Variants in WDFY3 observed in about 807,000 individuals in gnomAD.
WDFY3 encodes WD repeat and FYVE domain-containing protein 3.
In WDFY3, 66 loss-of-function variants were observed where a neutral mutation model predicts 409.6. That is an observed-to-expected ratio of 0.16 (90% CI 0.13 to 0.20). The LOEUF is 0.20. Ranked by LOEUF, WDFY3 falls within the 10% of genes least tolerant of loss-of-function variation. The pLI, the probability that WDFY3 is intolerant of heterozygous loss-of-function variation, is 1.00. For missense variants in WDFY3, 3,031 were observed against 4,298.1 expected (o/e 0.71, Z 8.24); for synonymous variants, 1,521 against 1,537.1 (o/e 0.99, Z 0.25).
intron 54 of WDFY3, among the ~76,000 whole-genome samples, chr4:84,705,168 C>T (rs1315349398): frequency 6.6e-6 from 1 of 152,198 alleles, no homozygotes; most frequent in African/African-American, 2.4e-5. Context: ...TAGTTTTCCA[C>T]CAATACTCTG....
At chr4:84,848,642 G>A (rs1443963070) in intron 5 of WDFY3, among the ~76,000 whole-genome samples, 1 of 152,194 alleles carries the variant, frequency 6.6e-6, no homozygotes, top group African/African-American at 2.4e-5. Context: ...AATGGCCTAA[G>A]TCATAGGCAG....
At chr4:84,864,365 CAAAAAAA>C (rs35016773) in intron 3 of WDFY3, among the ~76,000 whole-genome samples, 1 of 32,560 alleles carries the variant, frequency 3.1e-5, no homozygotes, top group East Asian at 7.9e-4. Context: ...GACTCCATCT[CAAAAAAA>C]AAAAAAAAAA....
intron 5 of WDFY3, among the ~76,000 whole-genome samples, chr4:84,844,178 C>G (rs1162172716): frequency 1.3e-5 from 2 of 152,096 alleles, no homozygotes; most frequent in African/African-American, 4.8e-5. Flanking sequence ...TCAGAACAAC[C>G]AGAATGCAAA....
intron 4 of WDFY3, among the ~76,000 whole-genome samples, chr4:84,859,330 T>C (rs899942444): frequency 1.3e-5 from 2 of 151,160 alleles, no homozygotes; most frequent in African/African-American, 4.9e-5. Context: ...TATGAATGAG[T>C]GTATGTATGT....
At chr4:84,764,719 A>G (rs1274478709) in intron 32 of WDFY3, among the ~76,000 whole-genome samples, 1 of 151,948 alleles carries the variant, frequency 6.6e-6, no homozygotes, top group African/African-American at 2.4e-5. Flanking sequence ...AATACAAAAA[A>G]TTAGCCGGGC....
intron 56 of WDFY3, among the ~76,000 whole-genome samples, chr4:84,701,701 A>G (rs1255163706): frequency 6.6e-6 from 1 of 152,214 alleles, no homozygotes; most frequent in Non-Finnish European, 1.5e-5. Flanking sequence ...GATAATATAA[A>G]AACAGCACTG....
chr4:84,937,065 T>C (rs764234656), intron 1 of WDFY3, among the ~76,000 whole-genome samples: 3 of 152,184 alleles, frequency 2.0e-5, no homozygotes, highest in Non-Finnish European at 4.4e-5. Context: ...CCAATATCTT[T>C]GATTCCTTTT....
At chr4:84,874,507 A>C (rs1272122209) in intron 3 of WDFY3, among the ~76,000 whole-genome samples, 1 of 152,126 alleles carries the variant, frequency 6.6e-6, no homozygotes, top group Admixed American at 6.5e-5. Context: ...ATTAAAATAC[A>C]ATTTTCAGCA....
intron 49 of WDFY3, among the ~76,000 whole-genome samples, chr4:84,716,125 A>G (rs1284067865): frequency 6.6e-6 from 1 of 152,176 alleles, no homozygotes; most frequent in Non-Finnish European, 1.5e-5. Context: ...GTCTATAACC[A>G]TATCTAAGGA....
intron 8 of WDFY3, among the ~76,000 whole-genome samples, chr4:84,830,093 T>C (rs1230099971): frequency 6.6e-6 from 1 of 152,136 alleles, no homozygotes; most frequent in Non-Finnish European, 1.5e-5. Context: ...GAAATGTGTA[T>C]TTAATAACTG....
At chr4:84,753,172 T>C (rs1410460315) in intron 35 of WDFY3, among the ~76,000 whole-genome samples, 1 of 152,208 alleles carries the variant, frequency 6.6e-6, no homozygotes, top group Non-Finnish European at 1.5e-5. Flanking sequence ...TATGTGATTA[T>C]AATCTAATAG....
At chr4:84,680,706 A>T (rs1004050418) in intron 64 of WDFY3, among the ~76,000 whole-genome samples, 1 of 152,174 alleles carries the variant, frequency 6.6e-6, no homozygotes, top group African/African-American at 2.4e-5. Context: ...CATGTGCAGA[A>T]TTTTTTTCCT....
At chr4:84,797,712 C>CT (rs1278900606) in intron 18 of WDFY3, among the ~76,000 whole-genome samples, 1 of 151,952 alleles carries the variant, frequency 6.6e-6, no homozygotes, top group Admixed American at 6.6e-5. Flanking sequence ...TCCCGAGTAG[C>CT]TGGGACTACA....
intron 3 of WDFY3, among the ~76,000 whole-genome samples, chr4:84,875,457 A>C (rs866466722): frequency 1.4e-4 from 21 of 152,194 alleles, no homozygotes; most frequent in African/African-American, 4.1e-4. Flanking sequence ...ATCTGAATAC[A>C]TTGTAGACTT....
Position 84,736,127 on chromosome 4 carries a change from C to T in WDFY3, c.6915+43G>A, listed in dbSNP as rs77543638. On this transcript the variant is annotated intron_variant, in intron 42 of 67. Coordinates refer to ENST00000295888, the MANE Select transcript of WDFY3 (RefSeq NM_014991.6). The stretch of plus-strand genomic sequence containing the variant: ...GCTTGTACATGTTAAGTATATTATA[C>T]AAAATACTACAACTAATATCAGCAA... 147,685 of 1,568,670 alleles carry T rather than the reference C, an allele frequency of 0.094. 11,643 individuals carry two copies. The highest frequency in any genetic ancestry group is 0.41 in the African/African-American group (29,963 of 72,738).
intron 24 of WDFY3, among the ~76,000 whole-genome samples, chr4:84,784,408 T>G (rs1478024914): frequency 6.6e-6 from 1 of 152,148 alleles, no homozygotes; most frequent in Non-Finnish European, 1.5e-5. Flanking sequence ...CTCTACTCTT[T>G]TTGTAGTTTT....
chr4:84,753,590 C>G (rs1740910696), intron 35 of WDFY3, 107 bp downstream of exon 35: 1 of 1,298,188 alleles, frequency 7.7e-7, no homozygotes, highest in Admixed American at 3.4e-5. Context: ...GTAACTTGGT[C>G]AGAAACTTAA....
intron 21 of WDFY3, among the ~76,000 whole-genome samples, chr4:84,792,203 G>A (rs560996477): frequency 1.3e-5 from 2 of 152,228 alleles, no homozygotes; most frequent in South Asian, 2.1e-4. Context: ...ATTTTAGAAT[G>A]GCAATTCAGA....
In WDFY3 at chr4:84,835,714, A is replaced by G. The variant is rs560234629; in HGVS notation, c.576+1215T>C. ...CATCCTTACAGTAAAGAGCCCAGTG[A>G]CATGAGGTGAGCCTGCAACCATTAC... is the stretch of plus-strand genomic sequence containing the variant. On this transcript the variant is annotated intron_variant, in intron 7 of 67. Coordinates refer to ENST00000295888, the MANE Select transcript of WDFY3 (RefSeq NM_014991.6). 9.1e-4 allele frequency among the ~76,000 whole-genome samples: 139 copies of G among 152,286 alleles called. 3 individuals are homozygous for G. In the South Asian group the frequency reaches 0.028, roughly 30 times the overall value.
Sources: gnomAD v4.1 joint callset for allele counts (sites outside exome capture counted in the v4.1 genomes callset) on GRCh38, gnomAD v4.1.1 for gene constraint, MANE v1.5 for transcripts, NCBI Gene and HGNC (gene_info 2026-07-23, HGNC 2026-07-21) for gene names.